Variants in LILRB4 observed in about 807,000 individuals in gnomAD.
LILRB4 encodes the protein leukocyte immunoglobulin like receptor B4.
A neutral mutation model predicts 55.2 loss-of-function variants in LILRB4; 49 were observed. The ratio of observed to expected loss-of-function variants is 0.89; its 90% CI spans 0.71 to 1.13. The LOEUF (loss-of-function observed/expected upper bound fraction) is 1.13, where lower values mean the gene tolerates loss of function less well. Among genes scored for constraint, LILRB4 ranks in the 50% most tolerant of loss-of-function variants. The pLI is 0.00. For synonymous variants in LILRB4, 229 were observed against 213.8 expected, an observed-to-expected ratio of 1.07 and a Z score of -0.62; for missense variants, 590 against 555.2, an observed-to-expected ratio of 1.06 and a Z score of -0.63.
rs780927729 is a variant in LILRB4, at chr19:54,663,971, C to A, written c.288C>A (p.Tyr96Ter). ...TGACAGAGGACTATGCAGGGAGATA[C>A]CGCTGTTACTATCGCAGCCCTGTAG... The change falls in exon 3 of 12, where the codon TAC (tyrosine) becomes TAA (stop). Residue 96 changes from tyrosine (Y) to a stop codon, truncating the protein, a stop_gained. Transcript: ENST00000430952. LOFTEE classifies it high-confidence loss of function. The A allele has an allele frequency of 3.1e-6, 5 of 1,614,146 alleles. No homozygotes were observed. In the East Asian group the frequency reaches 1.1e-4, roughly 36 times the overall value.
intron 3 of LILRB4, 66 bp downstream of exon 3, chr19:54,664,104 G>T (rs1472041351): frequency 2.0e-5 from 32 of 1,599,458 alleles, no homozygotes; most frequent in Non-Finnish European, 2.5e-5. Flanking sequence ...GCTCTCAGGG[G>T]CATCTCCCTC....
exon 4 of LILRB4, chr19:54,664,286 T>A (rs1168277914): frequency 2.5e-6 from 4 of 1,614,018 alleles, no homozygotes; most frequent in Non-Finnish European, 3.4e-6. Context: ...CAATGGACAC[T>A]TTTCTTCTGA....
chr19:54,665,107 C>T lies in LILRB4; in HGVS notation c.707-23C>T, dbSNP rs1320566991. On this transcript the variant is annotated intron_variant, in intron 5 of 11. Coordinates refer to ENST00000430952, the Ensembl canonical transcript of LILRB4. This position sits in a 1 kb window ranked among gnomAD's most constrained non-coding sequence, Gnocchi z 5.5. The stretch of plus-strand genomic sequence containing the variant: ...TGTGGGGAGCAGGGCAGCCCCAGCC[C>T]TCACATCCCTGTTCTAACCCAGCAG... 2 of 1,610,212 alleles carry T rather than the reference C, an allele frequency of 1.2e-6. No homozygotes were observed. The highest frequency in any genetic ancestry group is 2.2e-5 in the East Asian group (1 of 44,648).
At chr19:54,667,952 C>G in exon 12 of LILRB4, 2 of 1,613,988 alleles carry the variant, frequency 1.2e-6, no homozygotes, top group Non-Finnish European at 1.7e-6. Flanking sequence ...GCAACTGAGC[C>G]TCCTCCATCC....
chr19:54,667,725 C>A, exon 11 of LILRB4: 1 of 1,610,884 alleles, frequency 6.2e-7, no homozygotes, highest in Non-Finnish European at 8.5e-7. Context: ...TCCTCCCTCC[C>A]CACTGTCTGG....
chr19:54,664,343 C>G, exon 4 of LILRB4: 2 of 1,614,152 alleles, frequency 1.2e-6, no homozygotes, highest in Non-Finnish European at 1.7e-6. Context: ...GATCAGAGCA[C>G]GGAGCTCAGC....
Position 54,666,796 on chromosome 19 carries a change from G to C in LILRB4, c.1041+47G>C, listed in dbSNP as rs760997803. 1 of 1,553,612 alleles carries C rather than the reference G, an allele frequency of 6.4e-7. No individual in the cohort carries two copies. Among genetic ancestry groups the C allele is most frequent in the East Asian group, 2.2e-5 (1 of 44,564 alleles). On this transcript the variant is annotated intron_variant, in intron 10 of 11. Coordinates refer to ENST00000430952, the Ensembl canonical transcript of LILRB4. This position sits in a 1 kb window ranked among gnomAD's most constrained non-coding sequence, Gnocchi z 4.8. ...CGGCACCAAAGGCCTCCTGGTGCCA[G>C]ATCTAATCCTGCAGGACTTCTCTGT...
Position 54,663,971 on chromosome 19 carries a change from C to T in LILRB4, c.288C>T (p.Tyr96=), listed in dbSNP as rs780927729. 12 of 1,614,146 alleles carry T rather than the reference C, an allele frequency of 7.4e-6. No individual in the cohort carries two copies. In the East Asian group the frequency reaches 2.2e-4, roughly 30 times the overall value. The change falls in exon 3 of 12, where the codon TAC becomes TAT. Residue 96 remains tyrosine (Y), a synonymous_variant. Coordinates refer to ENST00000430952, the Ensembl canonical transcript of LILRB4. ...TGACAGAGGACTATGCAGGGAGATA[C>T]CGCTGTTACTATCGCAGCCCTGTAG...
Position 54,666,517 on chromosome 19 carries a change from G to C in LILRB4, c.988+81G>C. ...CAATAGCAATGGGGGCAGGAGCACAGGCTAGGATTGGTCAGGGACTCAGGG... is the reference window on the plus strand; with the variant it reads ...CAATAGCAATGGGGGCAGGAGCACACGCTAGGATTGGTCAGGGACTCAGGG... On this transcript the variant is annotated intron_variant, in intron 9 of 11. Transcript: ENST00000430952. The surrounding 1 kb of genome is among the most constrained non-coding windows in gnomAD (Gnocchi z 4.8). 1.3e-6 allele frequency: 2 copies of C among 1,544,476 alleles called. No homozygotes were observed. The highest frequency in any genetic ancestry group is 1.8e-6 in the Non-Finnish European group (2 of 1,124,278).
At position 54,666,793 on chromosome 19, in the gene LILRB4, C is replaced by T. The variant is rs1397916265; in HGVS notation, c.1041+44C>T. On this transcript the variant is annotated intron_variant, in intron 10 of 11. Coordinates refer to ENST00000430952, the Ensembl canonical transcript of LILRB4. The surrounding 1 kb of genome is among the most constrained non-coding windows in gnomAD (Gnocchi z 4.8). ...CCCCGGCACCAAAGGCCTCCTGGTG[C>T]CAGATCTAATCCTGCAGGACTTCTC... The T allele has an allele frequency of 6.4e-7, 1 of 1,563,484 alleles. No individual in the cohort carries two copies. The highest frequency in any genetic ancestry group is 1.7e-5 in the Admixed American group (1 of 59,960).
rs542827920 is a variant in LILRB4, at chr19:54,665,987, G to A, written c.874+56G>A. Reference sequence around the variant, plus strand: ...GATGGAGGGTGGGCTCAGGGCACCAGCCAAAGGGACTCCAGATAGGAGAGG... The same window carrying A: ...GATGGAGGGTGGGCTCAGGGCACCAACCAAAGGGACTCCAGATAGGAGAGG... On this transcript the variant is annotated intron_variant, in intron 7 of 11. Coordinates refer to ENST00000430952, the Ensembl canonical transcript of LILRB4. This position sits in a 1 kb window ranked among gnomAD's most constrained non-coding sequence, Gnocchi z 5.5. The A allele has an allele frequency of 9.3e-6, 15 of 1,607,674 alleles. No homozygotes were observed. The South Asian group carries it at 1.2e-4, about 13-fold the overall frequency.
At chr19:54,663,439 G>A (rs1269819663) in intron 1 of LILRB4, 93 bp from the exon 2 acceptor site, 181 of 441,718 alleles carry the variant, frequency 4.1e-4, no homozygotes, top group Non-Finnish European at 5.7e-4. Flanking sequence ...GCGAGACTCC[G>A]TCTCAAAAAA....
At position 54,665,447 on chromosome 19, in the gene LILRB4, G is replaced by A. The variant is rs578157935; in HGVS notation, c.757+267G>A. ...CGCAGGGGCCTGTCCGGTCCCACCT[G>A]CAGCAGAGACGGTGACCTGGGGCAG... On this transcript the variant is annotated intron_variant, in intron 6 of 11. Transcript: ENST00000430952. The surrounding 1 kb of genome is among the most constrained non-coding windows in gnomAD (Gnocchi z 5.5). 6.6e-6 allele frequency among the ~76,000 whole-genome samples: 1 copy of A among 152,186 alleles called. No homozygotes were observed. Among genetic ancestry groups the A allele is most frequent in the East Asian group, 1.9e-4 (1 of 5,150 alleles).
intron 2 of LILRB4, 80 bp downstream of exon 2, chr19:54,663,647 C>G (rs1599917415): frequency 2.5e-6 from 4 of 1,611,424 alleles, no homozygotes; most frequent in Non-Finnish European, 3.4e-6. Context: ...GGGGAGGAGA[C>G]AGCAGTTCTG....
chr19:54,666,999 A>G lies in LILRB4; in HGVS notation c.1041+250A>G. ...CCATCTGGTTGTTAGAGAGCTCCCC[A>G]GGCCTCAGGAGGATGACGAATAAAT... is the stretch of plus-strand genomic sequence containing the variant. On this transcript the variant is annotated intron_variant, in intron 10 of 11. Coordinates refer to ENST00000430952, the Ensembl canonical transcript of LILRB4. This position sits in a 1 kb window ranked among gnomAD's most constrained non-coding sequence, Gnocchi z 4.8. The G allele has an allele frequency of 1.4e-6, 1 of 693,490 alleles. No homozygotes were observed. The highest frequency in any genetic ancestry group is 2.8e-5 in the East Asian group (1 of 35,516). The allele number at this position is 693,490 out of a possible 1,614,324, so 43.0% of individuals were successfully genotyped here.
Position 54,666,676 on chromosome 19 carries a change from C to T in LILRB4, c.989-21C>T. The T allele has an allele frequency of 6.2e-7, 1 of 1,613,066 alleles. No individual in the cohort carries two copies. Among genetic ancestry groups the T allele is most frequent in the Non-Finnish European group, 8.5e-7 (1 of 1,179,252 alleles). On this transcript the variant is annotated intron_variant, in intron 9 of 11. Transcript: ENST00000430952. The surrounding 1 kb of genome is among the most constrained non-coding windows in gnomAD (Gnocchi z 4.8). ...CCAGGGAACCTTCCCAGGAGATGAACCCCTTGCTCTACCCCAGCAGGTGCT... is the reference window on the plus strand; with the variant it reads ...CCAGGGAACCTTCCCAGGAGATGAATCCCTTGCTCTACCCCAGCAGGTGCT...
chr19:54,664,620 A>G (rs1177761297), intron 4 of LILRB4, 135 bp downstream of exon 4: 2 of 1,076,484 alleles, frequency 1.9e-6, no homozygotes, highest in Non-Finnish European at 2.7e-6. Context: ...GAGGAGGACA[A>G]CAGGGGCCCT....
chr19:54,666,756 AC>A lies in LILRB4; in HGVS notation c.1041+10del, dbSNP rs755394220. ...GGTGGAAATGGACACTCGGGTGAGA[AC>A]CCGCCCCTGTCCCCGGCACCAAAGG... On this transcript the variant is annotated splice_region_variant and intron_variant, in intron 10 of 11. Transcript: ENST00000430952. The surrounding 1 kb of genome is among the most constrained non-coding windows in gnomAD (Gnocchi z 4.8). 1.2e-6 allele frequency: 2 copies of A among 1,613,690 alleles called. No individual in the cohort carries two copies. Among genetic ancestry groups the A allele is most frequent in the Non-Finnish European group, 1.7e-6 (2 of 1,179,866 alleles).
At chr19:54,664,906 A>G in intron 5 of LILRB4, 57 bp downstream of exon 5, 1 of 1,524,878 alleles carries the variant, frequency 6.6e-7, no homozygotes, top group Non-Finnish European at 9.1e-7. Flanking sequence ...CTGTCTCAAG[A>G]CATGCTCAGT....
Sources: allele counts gnomAD v4.1 joint callset (sites outside exome capture counted in the v4.1 genomes callset), GRCh38; gene constraint gnomAD v4.1.1; non-coding constraint Gnocchi (gnomAD v3.1); transcripts MANE v1.5; gene names NCBI Gene and HGNC (gene_info 2026-07-23, HGNC 2026-07-21).